CFAP20DC: variants seen among roughly 807,000 people sequenced by gnomAD.
CFAP20DC encodes the protein protein CFAP20DC.
CFAP20DC carries 84 observed loss-of-function variants against 101.7 expected under a neutral mutation model. The ratio of observed to expected loss-of-function variants is 0.83; its 90% CI spans 0.69 to 0.99. The LOEUF is 0.99. Ranked by LOEUF, CFAP20DC falls within the 50% of genes least tolerant of loss-of-function variation. The probability of loss-of-function intolerance (pLI) is 0.00; values close to 1 mark genes in which losing one functional copy is unlikely to be tolerated. For missense variants in CFAP20DC, 1,007 were observed against 970.3 expected, an observed-to-expected ratio of 1.04 and a Z score of -0.50; for synonymous variants, 359 against 351.2, an observed-to-expected ratio of 1.02 and a Z score of -0.25.
At chr3:58,940,470 T>A (rs2088384436) in intron 4 of CFAP20DC, among the ~76,000 whole-genome samples, 1 of 152,214 alleles carries the variant, frequency 6.6e-6, no homozygotes, top group Non-Finnish European at 1.5e-5. Context: ...GACATAGGGG[T>A]TGGAGTTCTT....
intron 3 of CFAP20DC, among the ~76,000 whole-genome samples, chr3:58,725,448 G>A (rs906681344): frequency 3.3e-5 from 5 of 152,118 alleles, no homozygotes; most frequent in African/African-American, 4.8e-5. Flanking sequence ...CCACCTCCTC[G>A]CTATCACAGT....
intron 4 of CFAP20DC, among the ~76,000 whole-genome samples, chr3:58,941,561 C>T (rs552031323): frequency 6.6e-6 from 1 of 151,484 alleles, no homozygotes; most frequent in African/African-American, 2.4e-5. Flanking sequence ...AACTTTATAA[C>T]TTTCATTTCT....
intron 4 of CFAP20DC, among the ~76,000 whole-genome samples, chr3:59,022,945 C>T (rs1422645387): frequency 1.3e-5 from 2 of 152,074 alleles, no homozygotes; most frequent in Non-Finnish European, 2.9e-5. Flanking sequence ...AGAAAATTCA[C>T]TCATTACCTA....
At chr3:58,753,744 T>C (rs1235963899) in intron 16 of CFAP20DC, 25 bp downstream of exon 16, 6 of 1,386,786 alleles carry the variant, frequency 4.3e-6, no homozygotes, top group Admixed American at 1.7e-5. Flanking sequence ...TATTTTCTTA[T>C]GCATATCGTT....
intron 15 of CFAP20DC, 65 bp from the exon 16 acceptor site, chr3:58,753,928 G>T: frequency 8.9e-7 from 1 of 1,127,618 alleles, no homozygotes; most frequent in Non-Finnish European, 1.3e-6. Flanking sequence ...GGTTTCCCAT[G>T]GATTTTCAGT....
Position 58,746,897 on chromosome 3 carries a change from C to T in CFAP20DC, c.2333-4325G>A, listed in dbSNP as rs190074729. Among the ~76,000 whole-genome samples the T allele has an allele frequency of 4.0e-3, 606 of 152,138 alleles. 1 individual carries two copies. The highest frequency in any genetic ancestry group is 4.6e-3 in the Non-Finnish European group (310 of 68,012). ...CATCATTTTGCCATTATAATCCCTA[C>T]GTAATGAAATTATAATATCATTACG... On this transcript the variant is annotated intron_variant, in intron 16 of 16. Coordinates refer to ENST00000482387, the MANE Select transcript of CFAP20DC (RefSeq NM_001394063.1).
chr3:58,838,345 C>T (rs1051073508), intron 13 of CFAP20DC, among the ~76,000 whole-genome samples: 2 of 152,154 alleles, frequency 1.3e-5, no homozygotes, highest in African/African-American at 4.8e-5. Flanking sequence ...CTAGGCATAA[C>T]CAGACTTGAT....
At chr3:58,754,852 T>C (rs1181990274) in intron 15 of CFAP20DC, among the ~76,000 whole-genome samples, 1 of 152,114 alleles carries the variant, frequency 6.6e-6, no homozygotes, top group Non-Finnish European at 1.5e-5. Flanking sequence ...GAAAAGGAGA[T>C]AATAACAAAA....
At chr3:58,813,526 G>A (rs920853451) in intron 14 of CFAP20DC, among the ~76,000 whole-genome samples, 1 of 151,858 alleles carries the variant, frequency 6.6e-6, no homozygotes, top group Non-Finnish European at 1.5e-5. Flanking sequence ...ATCATAATGT[G>A]GCCCCTGACT....
downstream of CFAP20DC, among the ~76,000 whole-genome samples, chr3:58,716,309 C>T (rs1264033908): frequency 1.3e-5 from 2 of 151,344 alleles, no homozygotes; most frequent in African/African-American, 2.4e-5. Context: ...CTACAGGCGC[C>T]CGCCACCACG....
intron 4 of CFAP20DC, among the ~76,000 whole-genome samples, chr3:58,949,741 T>TA (rs930563053): frequency 5.9e-5 from 9 of 152,240 alleles, no homozygotes; most frequent in African/African-American, 2.2e-4. Context: ...AAACTCTCAA[T>TA]AAAAAATTAG....
chr3:58,820,046 T>G (rs1053301575), intron 14 of CFAP20DC, among the ~76,000 whole-genome samples: 4 of 150,206 alleles, frequency 2.7e-5, no homozygotes, highest in African/African-American at 9.9e-5. Flanking sequence ...AAAAACCACA[T>G]GATTATCTCA....
At chr3:58,769,423 T>C (rs888694656) in intron 15 of CFAP20DC, among the ~76,000 whole-genome samples, 1 of 152,204 alleles carries the variant, frequency 6.6e-6, no homozygotes, top group African/African-American at 2.4e-5. Context: ...TGTGACTGAA[T>C]CGTGTCTGGC....
intron 6 of CFAP20DC, among the ~76,000 whole-genome samples, chr3:58,885,536 A>G (rs1410684429): frequency 1.3e-5 from 2 of 151,760 alleles, no homozygotes; most frequent in Admixed American, 6.6e-5. Context: ...ATTGTTAACT[A>G]TAGTCCTCTT....
chr3:58,966,483 T>C (rs1181986458), intron 4 of CFAP20DC, among the ~76,000 whole-genome samples: 7 of 116,512 alleles, frequency 6.0e-5, no homozygotes, highest in Admixed American at 4.1e-4. Context: ...TGTATATATA[T>C]ATATATACAC....
intron 5 of CFAP20DC, among the ~76,000 whole-genome samples, chr3:58,916,012 T>C (rs1379329098): frequency 6.6e-6 from 1 of 152,108 alleles, no homozygotes; most frequent in Non-Finnish European, 1.5e-5. Context: ...TCAACATCCA[T>C]ATTCTGTGTT....
intron 4 of CFAP20DC, among the ~76,000 whole-genome samples, chr3:59,030,522 T>A (rs2093970831): frequency 6.6e-6 from 1 of 152,256 alleles, no homozygotes; most frequent in South Asian, 2.1e-4. Flanking sequence ...CCATAAGATA[T>A]CTATTTTGTT....
intron 14 of CFAP20DC, among the ~76,000 whole-genome samples, chr3:58,829,052 G>A (rs1343566040): frequency 6.6e-6 from 1 of 152,136 alleles, no homozygotes; most frequent in African/African-American, 2.4e-5. Flanking sequence ...GAGTGGGACA[G>A]GCCGGGCATG....
intron 14 of CFAP20DC, among the ~76,000 whole-genome samples, chr3:58,822,883 A>G (rs902181962): frequency 6.6e-6 from 1 of 152,106 alleles, no homozygotes; most frequent in African/African-American, 2.4e-5. Context: ...CACCCCCTGG[A>G]GCAGGTCATA....
Sources: gnomAD v4.1 joint callset for allele counts (sites outside exome capture counted in the v4.1 genomes callset) on GRCh38, gnomAD v4.1.1 for gene constraint, MANE v1.5 for transcripts, NCBI Gene and HGNC (gene_info 2026-07-23, HGNC 2026-07-21) for gene names.